AFAP1: variants seen among roughly 807,000 people sequenced by gnomAD.
The protein encoded by AFAP1 is actin filament-associated protein 1.
In AFAP1, 75 loss-of-function variants were observed where a neutral mutation model predicts 93.9. The ratio of observed to expected loss-of-function variants is 0.80; its 90% CI spans 0.66 to 0.97. The LOEUF is 0.97. AFAP1 is among the 50% of genes least tolerant of loss of function. The pLI is 0.00. For missense variants in AFAP1, 1,201 were observed against 1,050.8 expected, an observed-to-expected ratio of 1.14 and a Z score of -1.98; for synonymous variants, 517 against 430.7, an observed-to-expected ratio of 1.20 and a Z score of -2.48.
At chr4:7,789,168 G>C (rs986108435) in intron 11 of AFAP1, 2 of 152,346 alleles carry the variant, frequency 1.3e-5, no homozygotes, top group African/African-American at 4.8e-5. Context: ...GGCAGGGCCT[G>C]AGGTCGCAAC....
rs2149111454 is a variant in AFAP1, at chr4:7,841,355, G to C, written c.546+1784C>G. Reference sequence around the variant, plus strand: ...GGAGGGAGCTCTGCCTTGGGCTCTAGGCCCCTCTTCAATGCAGACAGTCCC... The same window carrying C: ...GGAGGGAGCTCTGCCTTGGGCTCTACGCCCCTCTTCAATGCAGACAGTCCC... On this transcript the variant is annotated intron_variant, in intron 5 of 17. Transcript: ENST00000420658. 2.6e-5 allele frequency among the ~76,000 whole-genome samples: 4 copies of C among 152,312 alleles called. 1 individual carries two copies. The South Asian group carries it at 8.3e-4, about 32-fold the overall frequency.
intron 4 of AFAP1, among the ~76,000 whole-genome samples, chr4:7,847,681 A>T (rs1457156382): frequency 6.6e-6 from 1 of 152,086 alleles, no homozygotes; most frequent in East Asian, 1.9e-4. Context: ...AATTATGAAC[A>T]ACTCAGAAAT....
chr4:7,808,555 C>T (rs528503403), intron 9 of AFAP1, among the ~76,000 whole-genome samples: 2 of 152,008 alleles, frequency 1.3e-5, no homozygotes, highest in South Asian at 4.2e-4. Flanking sequence ...GGATGAAAGA[C>T]TGACCGGGGA....
At chr4:7,860,663 G>C (rs1003316202) in intron 3 of AFAP1, among the ~76,000 whole-genome samples, 2 of 152,122 alleles carry the variant, frequency 1.3e-5, no homozygotes, top group Non-Finnish European at 2.9e-5. Context: ...GAGTGGGCAC[G>C]GCCTGCTGAC....
intron 3 of AFAP1, among the ~76,000 whole-genome samples, chr4:7,861,608 G>A (rs1019357136): frequency 5.3e-5 from 8 of 152,174 alleles, no homozygotes; most frequent in Admixed American, 2.6e-4. Flanking sequence ...AAGCCCTGTG[G>A]GGACATGTCA....
chr4:7,799,278 A>T (rs1718790861), intron 10 of AFAP1: 1 of 155,492 alleles, frequency 6.4e-6, no homozygotes, highest in African/African-American at 2.4e-5. Context: ...ACCTTCCCTT[A>T]CGTCCTGAGC....
At chr4:7,912,773 A>T (rs2149227643) in intron 1 of AFAP1, among the ~76,000 whole-genome samples, 1 of 152,182 alleles carries the variant, frequency 6.6e-6, no homozygotes, top group East Asian at 1.9e-4. Context: ...TCCATGACCC[A>T]TTTTGAGTTA....
chr4:7,786,333 A>G (rs1560157177), intron 11 of AFAP1, 22 bp from the exon 12 acceptor site: 1 of 1,592,426 alleles, frequency 6.3e-7, no homozygotes, highest in Non-Finnish European at 8.6e-7. Context: ...GAAATGCGTT[A>G]AAATCCATAA....
At chr4:7,771,036 G>C (rs931102631) in intron 16 of AFAP1, among the ~76,000 whole-genome samples, 1 of 152,226 alleles carries the variant, frequency 6.6e-6, no homozygotes, top group Non-Finnish European at 1.5e-5. Flanking sequence ...CTAGCCCTTG[G>C]ATTCCAATTC....
At chr4:7,859,384 A>C (rs540487295) in intron 3 of AFAP1, among the ~76,000 whole-genome samples, 102 of 152,078 alleles carry the variant, frequency 6.7e-4, no homozygotes, top group African/African-American at 2.3e-3. Context: ...GCCACACTGC[A>C]CTCCAGCCTG....
intron 1 of AFAP1, among the ~76,000 whole-genome samples, chr4:7,923,979 A>T (rs1720577461): frequency 2.0e-5 from 3 of 152,224 alleles, no homozygotes. Flanking sequence ...GAGCAGGAGA[A>T]AAGGTACCTT....
intron 1 of AFAP1, among the ~76,000 whole-genome samples, chr4:7,917,571 T>C (rs1451839929): frequency 1.3e-5 from 2 of 152,176 alleles, no homozygotes; most frequent in East Asian, 3.9e-4. Flanking sequence ...AGCAGATGCA[T>C]GAAGAAGGCC....
intron 11 of AFAP1, among the ~76,000 whole-genome samples, chr4:7,787,693 T>C (rs561111223): frequency 3.3e-5 from 5 of 152,186 alleles, no homozygotes; most frequent in African/African-American, 1.2e-4. Context: ...AGGGAACGGC[T>C]CACTCCCCTT....
intron 11 of AFAP1, among the ~76,000 whole-genome samples, chr4:7,786,860 G>A (rs1025103166): frequency 6.6e-6 from 1 of 152,182 alleles, no homozygotes; most frequent in African/African-American, 2.4e-5. Flanking sequence ...AAAGTTCGTG[G>A]ACCCCTGTTC....
chr4:7,900,865 A>T (rs1338633162), intron 1 of AFAP1, among the ~76,000 whole-genome samples: 1 of 152,202 alleles, frequency 6.6e-6, no homozygotes, highest in Admixed American at 6.5e-5. Context: ...CATTTAAAGA[A>T]ATAGGTCAAG....
chr4:7,921,550 A>T (rs1720443862), intron 1 of AFAP1, among the ~76,000 whole-genome samples: 1 of 152,162 alleles, frequency 6.6e-6, no homozygotes, highest in Non-Finnish European at 1.5e-5. Flanking sequence ...GTTGGCAAGG[A>T]AATAGAAATA....
rs185778425 is a variant in AFAP1 at position 7,786,109 on chromosome 4, T to G, written c.1530+85A>C. ...TTAAAAAGCTGACCTTATTCAGACCTGAAACCAGGGGAACTGAAGCACAGA... is the reference window on the plus strand; with the variant it reads ...TTAAAAAGCTGACCTTATTCAGACCGGAAACCAGGGGAACTGAAGCACAGA... On this transcript the variant is annotated intron_variant, in intron 12 of 17. Coordinates refer to ENST00000420658, the MANE Select transcript of AFAP1 (RefSeq NM_001134647.2). The G allele has an allele frequency of 1.2e-4, 157 of 1,302,188 alleles. No individual in the cohort carries two copies. In the East Asian group the frequency reaches 3.6e-3, roughly 30 times the overall value. The allele number at this position is 1,302,188 out of a possible 1,614,324, so 80.7% of individuals were successfully genotyped here. A position where few individuals can be genotyped will look rare whatever the true frequency, so the allele number is the denominator to read the frequency against.
At chr4:7,800,290 G>C (rs1718900499) in intron 10 of AFAP1, 152 bp downstream of exon 10, 5 of 775,354 alleles carry the variant, frequency 6.4e-6, no homozygotes, top group Non-Finnish European at 1.1e-5. Context: ...AAGACTCATG[G>C]ACTGGGCAGT....
chr4:7,913,919 G>A (rs75725823), intron 1 of AFAP1, among the ~76,000 whole-genome samples: 17 of 152,308 alleles, frequency 1.1e-4, no homozygotes, highest in Non-Finnish European at 2.2e-4. Context: ...ACATATGTAA[G>A]GGGTACATAC....
Sources: allele counts gnomAD v4.1 joint callset (sites outside exome capture counted in the v4.1 genomes callset), GRCh38; gene constraint gnomAD v4.1.1; transcripts MANE v1.5; gene names NCBI Gene and HGNC (gene_info 2026-07-23, HGNC 2026-07-21).